The following CORIN variants were observed in gnomAD, a reference collection of about 807,000 sequenced individuals.
The protein encoded by CORIN is corin, serine peptidase.
Under a neutral mutation model 125.3 loss-of-function variants are expected in CORIN, and 117 were observed. That is an observed-to-expected ratio of 0.93 (90% confidence interval 0.80 to 1.09). CORIN has a LOEUF of 1.09. CORIN is among the 50% of genes least tolerant of loss of function. The probability of loss-of-function intolerance (pLI) is 0.00; values close to 1 mark genes in which losing one functional copy is unlikely to be tolerated. For synonymous variants in CORIN, 450 were observed against 466.4 expected, an observed-to-expected ratio of 0.96 and a Z score of 0.45; for missense variants, 1,253 against 1,306.7, an observed-to-expected ratio of 0.96 and a Z score of 0.63.
chr4:47,658,239 T>C lies in CORIN; in HGVS notation c.1735+3472A>G, dbSNP rs1016741151. Reference sequence around the variant, plus strand: ...AAAACCCAGCAGGGCAGTCATTAAATCTTAAAGCTCCAAAATAATCTCCTT... The same window carrying C: ...AAAACCCAGCAGGGCAGTCATTAAACCTTAAAGCTCCAAAATAATCTCCTT... On this transcript the variant is annotated intron_variant, in intron 12 of 21. Transcript: ENST00000273857. Among the ~76,000 whole-genome samples the C allele has an allele frequency of 7.2e-5, 11 of 152,290 alleles. No homozygotes were observed. The South Asian group carries it at 1.0e-3, about 14-fold the overall frequency.
intron 5 of CORIN, among the ~76,000 whole-genome samples, chr4:47,707,226 A>G (rs1203101617): frequency 6.6e-6 from 1 of 152,222 alleles, no homozygotes; most frequent in East Asian, 1.9e-4. Flanking sequence ...GTTAGTGTAT[A>G]AAACATACTG....
At chr4:47,607,815 C>CGT (rs759185997) in intron 19 of CORIN, among the ~76,000 whole-genome samples, 30 of 152,030 alleles carry the variant, frequency 2.0e-4, no homozygotes, top group Admixed American at 5.9e-4. Context: ...GATGTGGTGG[C>CGT]GTGCACCTAT....
At chr4:47,772,901 G>T (rs1730114800) in intron 3 of CORIN, among the ~76,000 whole-genome samples, 1 of 151,978 alleles carries the variant, frequency 6.6e-6, no homozygotes, top group Non-Finnish European at 1.5e-5. Flanking sequence ...TTTTCTTCTG[G>T]ATTCTATAAT....
At chr4:47,749,884 G>C (rs944063152) in intron 4 of CORIN, among the ~76,000 whole-genome samples, 1 of 152,184 alleles carries the variant, frequency 6.6e-6, no homozygotes, top group Non-Finnish European at 1.5e-5. Context: ...TAGTCGTGAA[G>C]AGAATGTTAA....
chr4:47,624,616 A>G (rs1408090643), intron 17 of CORIN, among the ~76,000 whole-genome samples: 1 of 152,204 alleles, frequency 6.6e-6, no homozygotes, highest in East Asian at 1.9e-4. Context: ...GGTGCAATTT[A>G]CAAGAATTGT....
Position 47,674,466 on chromosome 4 carries a change from G to A in CORIN, c.1284C>T (p.Cys428=). ...QTSCQEGDQR[C]LYNPCLDSCG... ...ATGAATCAAGGCAGGGATTGTAGAG[G>A]CATCTTTGGTCTCCTTCTTGACATG... The change falls in exon 10 of 22, where the codon TGC becomes TGT. Residue 428 remains cysteine (C), a synonymous_variant. Coordinates refer to ENST00000273857, the MANE Select transcript of CORIN (RefSeq NM_006587.4). 6.2e-7 allele frequency: 1 copy of A among 1,613,836 alleles called. No homozygotes were observed. The highest frequency in any genetic ancestry group is 8.5e-7 in the Non-Finnish European group (1 of 1,179,746).
chr4:47,801,781 T>C (rs1731555396), intron 2 of CORIN, among the ~76,000 whole-genome samples: 1 of 152,218 alleles, frequency 6.6e-6, no homozygotes, highest in Non-Finnish European at 1.5e-5. Flanking sequence ...CACTGCAGGC[T>C]GGAATGCTCT....
chr4:47,763,398 T>C lies in CORIN; in HGVS notation c.598A>G (p.Ile200Val), dbSNP rs1729560299. Residue 200 changes from isoleucine (I) to valine (V), a missense_variant, in exon 4 of 22, where the codon ATC (isoleucine) becomes GTC (valine). By Grantham distance (29) the Ile-to-Val change is conservative. Transcript: ENST00000273857. ...AAATACCTGTCATCGCCATCAATGA[T>C]GCACTCAGGGAAGGCGAGGGTACAG... ...FGCTLAFPECIIDGDDSHGLL... is the reference protein window; with the variant it reads ...FGCTLAFPECVIDGDDSHGLL... The C allele has an allele frequency of 6.2e-7, 1 of 1,613,596 alleles. No homozygotes were observed. Among genetic ancestry groups the C allele is most frequent in the Non-Finnish European group, 8.5e-7 (1 of 1,179,702 alleles).
At chr4:47,641,790 C>A (rs1723239321) in intron 16 of CORIN, 130 bp downstream of exon 16, 2 of 1,096,920 alleles carry the variant, frequency 1.8e-6, no homozygotes, top group Non-Finnish European at 2.6e-6. Flanking sequence ...TCACCTGATT[C>A]ATTTCCCGGG....
chr4:47,798,309 T>C (rs769319093), intron 2 of CORIN, among the ~76,000 whole-genome samples: 1 of 152,202 alleles, frequency 6.6e-6, no homozygotes, highest in Non-Finnish European at 1.5e-5. Context: ...TACATCTGTG[T>C]TTGTTAGCAT....
In CORIN at chr4:47,624,878, TG is replaced by T. The variant is rs1246607963; in HGVS notation, c.2316-931del. Among the ~76,000 whole-genome samples, 3 of 130,210 alleles carry T rather than the reference TG, an allele frequency of 2.3e-5. No individual in the cohort carries two copies. The Admixed American group carries it at 2.5e-4, about 11-fold the overall frequency. The allele number at this position is 130,210 out of a possible 152,430, so 85.4% of individuals were successfully genotyped here. A position where few individuals can be genotyped will look rare whatever the true frequency, so the allele number is the denominator to read the frequency against. ...ACTTAGAATCCTAGATCTATCAGAT[TG>T]AAAAAAAAAAATGCAACCCTAAATA... On this transcript the variant is annotated intron_variant, in intron 17 of 21. Transcript: ENST00000273857.
chr4:47,717,042 A>G lies in CORIN; in HGVS notation c.800-23959T>C, dbSNP rs140464068. On this transcript the variant is annotated intron_variant, in intron 5 of 21. Transcript: ENST00000273857. ...AATTAGAACTAAAGCATATTTTTAA[A>G]AGTTCAATTGGCAGGATCCAAAAAA... is the stretch of plus-strand genomic sequence containing the variant. Among the ~76,000 whole-genome samples, 1,004 of 152,326 alleles carry G rather than the reference A, an allele frequency of 6.6e-3. 3 individuals carry two copies. Among genetic ancestry groups the G allele is most frequent in the Non-Finnish European group, 0.011 (724 of 68,032 alleles).
intron 3 of CORIN, among the ~76,000 whole-genome samples, chr4:47,776,763 C>T (rs1273594578): frequency 1.3e-5 from 2 of 152,182 alleles, no homozygotes; most frequent in African/African-American, 4.8e-5. Flanking sequence ...TGTTGGCCTT[C>T]CCATACTCTA....
intron 5 of CORIN, among the ~76,000 whole-genome samples, chr4:47,733,310 G>A (rs907989787): frequency 6.6e-6 from 1 of 152,150 alleles, no homozygotes; most frequent in African/African-American, 2.4e-5. Context: ...ATCCATATAA[G>A]TACCTCATCT....
At chr4:47,758,513 A>T (rs1163656608) in intron 4 of CORIN, among the ~76,000 whole-genome samples, 1 of 152,216 alleles carries the variant, frequency 6.6e-6, no homozygotes, top group Non-Finnish European at 1.5e-5. Flanking sequence ...AAGACAAAAC[A>T]GCCAAACCAA....
At chr4:47,667,436 C>A (rs986679474) in intron 10 of CORIN, among the ~76,000 whole-genome samples, 1 of 152,128 alleles carries the variant, frequency 6.6e-6, no homozygotes, top group East Asian at 1.9e-4. Context: ...GGCAGGCAAG[C>A]AAGTGTCCTG....
At position 47,674,426 on chromosome 4, in the gene CORIN, G is replaced by A; in HGVS notation, c.1324C>T (p.Leu442Phe). Residue 442 changes from leucine (L) to phenylalanine (F), a missense_variant, in exon 10 of 22, where the codon CTC becomes TTC. Physicochemically the swap from Leu to Phe is conservative, Grantham distance 22. Coordinates refer to ENST00000273857, the MANE Select transcript of CORIN (RefSeq NM_006587.4). ...PCLDSCGGSS[L>F]CDPNNSLNNC... Reference sequence around the variant, plus strand: ...TTCAGACTGTTGTTCGGGTCACAGAGAGAGCTACCACCACATGAATCAAGG... The same window carrying A: ...TTCAGACTGTTGTTCGGGTCACAGAAAGAGCTACCACCACATGAATCAAGG... The A allele has an allele frequency of 6.2e-7, 1 of 1,613,934 alleles. No homozygotes were observed. Among genetic ancestry groups the A allele is most frequent in the Non-Finnish European group, 8.5e-7 (1 of 1,179,836 alleles).
At chr4:47,738,871 T>C (rs1260329906) in intron 5 of CORIN, among the ~76,000 whole-genome samples, 1 of 151,656 alleles carries the variant, frequency 6.6e-6, no homozygotes, top group Non-Finnish European at 1.5e-5. Flanking sequence ...TAAAGATATA[T>C]AGATTATTTT....
intron 12 of CORIN, chr4:47,661,463 G>C (rs1724245478): frequency 2.3e-6 from 1 of 432,034 alleles, no homozygotes. Context: ...ATACACCTAT[G>C]TACCCACAAA....
Sources: gnomAD v4.1 joint callset for allele counts (sites outside exome capture counted in the v4.1 genomes callset) on GRCh38, gnomAD v4.1.1 for gene constraint, MANE v1.5 for transcripts, NCBI Gene and HGNC (gene_info 2026-07-23, HGNC 2026-07-21) for gene names.